Variants in FAT3 observed in about 807,000 individuals in gnomAD.
FAT3 encodes protocadherin Fat 3.
Under a neutral mutation model 310.2 loss-of-function variants are expected in FAT3, and 95 were observed. That is an observed-to-expected ratio of 0.31 (90% CI 0.26 to 0.36). The LOEUF (loss-of-function observed/expected upper bound fraction) is 0.36, where lower values mean the gene tolerates loss of function less well. FAT3 is among the 10% of genes least tolerant of loss of function. The probability of loss-of-function intolerance (pLI) is 1.00; values close to 1 mark genes in which losing one functional copy is unlikely to be tolerated. For synonymous variants in FAT3, 2,314 were observed against 2,192.9 expected, an observed-to-expected ratio of 1.06 and a Z score of -1.54; for missense variants, 5,408 against 5,715.6, an observed-to-expected ratio of 0.95 and a Z score of 1.74.
intron 1 of FAT3, among the ~76,000 whole-genome samples, chr11:92,232,628 G>GTTTTTTTTTTTT (rs56273706): frequency 5.4e-5 from 4 of 74,748 alleles, no homozygotes; most frequent in Admixed American, 1.8e-4. Context: ...CAGTGATGTC[G>GTTTTTTTTTTTT]TTTTTTTTTT....
intron 2 of FAT3, among the ~76,000 whole-genome samples, chr11:92,375,904 A>G (rs1342758717): frequency 2.0e-5 from 3 of 152,206 alleles, no homozygotes; most frequent in Non-Finnish European, 4.4e-5. Flanking sequence ...CTTTTATCAC[A>G]CATCTCTGCT....
chr11:92,776,700 G>A (rs1303291335), intron 7 of FAT3, among the ~76,000 whole-genome samples: 1 of 152,128 alleles, frequency 6.6e-6, no homozygotes, highest in African/African-American at 2.4e-5. Context: ...GCACCTTTTG[G>A]TAGGGCCAAG....
At chr11:92,524,552 G>C in intron 2 of FAT3, 82 bp from the exon 3 acceptor site, 1 of 1,348,778 alleles carries the variant, frequency 7.4e-7, no homozygotes, top group South Asian at 1.4e-5. Context: ...AGATTATTTA[G>C]TGTAGTCCTT....
At chr11:92,859,072 C>A in intron 20 of FAT3, 93 bp from the exon 21 acceptor site, 1 of 1,254,066 alleles carries the variant, frequency 8.0e-7, no homozygotes, top group Non-Finnish European at 1.1e-6. Flanking sequence ...GGTCTTTAAT[C>A]AACTTGGTTG....
rs2136349191 is a variant in FAT3, at chr11:92,866,924, C to G, written c.11842C>G (p.Gln3948Glu). 1.2e-6 allele frequency: 2 copies of G among 1,613,932 alleles called. No individual in the cohort carries two copies. Residue 3948 changes from glutamine to glutamate, a missense_variant, in exon 22 of 28, where the codon CAG (glutamine) becomes GAG (glutamate). Physicochemically the swap from Gln to Glu is conservative, Grantham distance 29. Transcript: ENST00000525166. ...VERRRAPLYFQTLSTESSIYF... is the reference protein window; with the variant it reads ...VERRRAPLYFETLSTESSIYF... Reference sequence around the variant, plus strand: ...GCGGCGCCGGGCGCCCCTCTACTTCCAGACGCTGAGCACTGAGAGTAGCAT... The same window carrying G: ...GCGGCGCCGGGCGCCCCTCTACTTCGAGACGCTGAGCACTGAGAGTAGCAT...
At chr11:92,392,946 G>T (rs1005939117) in intron 2 of FAT3, among the ~76,000 whole-genome samples, 1 of 152,152 alleles carries the variant, frequency 6.6e-6, no homozygotes, top group Admixed American at 6.6e-5. Context: ...ATCTGGCAGT[G>T]CCTCAGTTGC....
intron 1 of FAT3, among the ~76,000 whole-genome samples, chr11:92,258,219 T>C (rs1203737330): frequency 1.3e-5 from 2 of 152,076 alleles, no homozygotes; most frequent in African/African-American, 4.8e-5. Context: ...GAACAATAAG[T>C]GTGAGTGCTT....
Position 92,831,636 on chromosome 11 carries a change from G to T in FAT3, c.9496G>T (p.Val3166Phe), listed in dbSNP as rs747952949. The change falls in exon 14 of 28, where the codon GTC becomes TTC. Residue 3166 changes from valine to phenylalanine, a missense_variant. Around this residue, in one of 5 missense-constraint regions of FAT3, gnomAD observed 4,588 missense variants for 4,809.8 expected, o/e 0.95. Coordinates refer to ENST00000525166, the MANE Select transcript of FAT3 (RefSeq NM_001367949.2). ...CTCTCCCACAGGCATCAATAGGAAG[G>T]TCGTGTACTCCCTGGCAGACTCAGC... is the stretch of plus-strand genomic sequence containing the variant. ...VDPDIGINRK[V>F]VYSLADSAGG... The T allele has an allele frequency of 6.2e-7, 1 of 1,612,108 alleles. No individual in the cohort carries two copies. The highest frequency in any genetic ancestry group is 1.1e-5 in the South Asian group (1 of 90,626).
chr11:92,486,001 G>A (rs1952371405), intron 2 of FAT3, among the ~76,000 whole-genome samples: 2 of 152,050 alleles, frequency 1.3e-5, no homozygotes, highest in Admixed American at 1.3e-4. Flanking sequence ...CATACAGAGA[G>A]CTATACATGA....
At chr11:92,529,443 A>G (rs1376751295) in intron 3 of FAT3, among the ~76,000 whole-genome samples, 1 of 152,230 alleles carries the variant, frequency 6.6e-6, no homozygotes, top group Non-Finnish European at 1.5e-5. Context: ...ATGTCAGGAA[A>G]GTGGTAAGAT....
chr11:92,821,912 A>G (rs981045893), intron 13 of FAT3, among the ~76,000 whole-genome samples: 1 of 152,186 alleles, frequency 6.6e-6, no homozygotes, highest in African/African-American at 2.4e-5. Context: ...TCTGTGTCAG[A>G]ATCCTCTGGA....
chr11:92,468,119 C>T (rs1295484712), intron 2 of FAT3, among the ~76,000 whole-genome samples: 2 of 152,128 alleles, frequency 1.3e-5, no homozygotes, highest in Non-Finnish European at 2.9e-5. Flanking sequence ...TGGGCCAGGT[C>T]GGGTTTAATC....
Position 92,385,605 on chromosome 11 carries a change from T to G in FAT3, c.3292+30201T>G, listed in dbSNP as rs573983832. Among the ~76,000 whole-genome samples the G allele has an allele frequency of 2.6e-5, 4 of 151,810 alleles. No homozygotes were observed. The South Asian group carries it at 8.4e-4, about 32-fold the overall frequency. On this transcript the variant is annotated intron_variant, in intron 2 of 27. Coordinates refer to ENST00000525166, the MANE Select transcript of FAT3 (RefSeq NM_001367949.2). The stretch of plus-strand genomic sequence containing the variant: ...CTGGTCTTGAACTCCTGGCCTGAGG[T>G]GATCCACCTGCCTCGGCCTACCAAA...
chr11:92,840,887 C>G, intron 18 of FAT3, 128 bp downstream of exon 18: 1 of 876,614 alleles, frequency 1.1e-6, no homozygotes, highest in East Asian at 2.7e-5. Flanking sequence ...AATGTTCCCC[C>G]TTTTAATCTC....
intron 3 of FAT3, among the ~76,000 whole-genome samples, chr11:92,545,740 C>A (rs1395909514): frequency 2.6e-5 from 4 of 152,190 alleles, no homozygotes; most frequent in South Asian, 2.1e-4. Context: ...ATCCTTTTCT[C>A]TACTGTCCTG....
At chr11:92,234,630 A>T (rs1864336126) in intron 1 of FAT3, among the ~76,000 whole-genome samples, 1 of 151,930 alleles carries the variant, frequency 6.6e-6, no homozygotes, top group Non-Finnish European at 1.5e-5. Context: ...ATTGCCAGGC[A>T]CGGTGGCTCA....
chr11:92,668,822 A>G (rs1202908241), intron 3 of FAT3, among the ~76,000 whole-genome samples: 1 of 152,176 alleles, frequency 6.6e-6, no homozygotes, highest in East Asian at 1.9e-4. Context: ...AGCACCTTCT[A>G]AGCTTTAATA....
intron 3 of FAT3, among the ~76,000 whole-genome samples, chr11:92,569,804 C>G (rs981219982): frequency 6.6e-6 from 1 of 152,148 alleles, no homozygotes; most frequent in African/African-American, 2.4e-5. Flanking sequence ...TCATTAGGAG[C>G]TTGCTGTATG....
intron 2 of FAT3, among the ~76,000 whole-genome samples, chr11:92,469,429 TATTA>T (rs1343217480): frequency 6.6e-6 from 1 of 152,150 alleles, no homozygotes; most frequent in Non-Finnish European, 1.5e-5. Context: ...TACATTAAGA[TATTA>T]ATTGTGTATT....
Sources: gnomAD v4.1 joint callset for allele counts (sites outside exome capture counted in the v4.1 genomes callset) on GRCh38, gnomAD v4.1.1 for gene constraint, gnomAD v4.1.1 regional missense constraint, MANE v1.5 for transcripts, NCBI Gene and HGNC (gene_info 2026-07-23, HGNC 2026-07-21) for gene names.